The following REXO5 variants were observed in gnomAD, a reference collection of about 807,000 sequenced individuals.
REXO5 encodes the protein exonuclease NEF-sp.
In REXO5, 48 loss-of-function variants were observed where a neutral mutation model predicts 88.5. The observed-to-expected ratio is 0.54, with a 90% confidence interval of 0.43 to 0.69. REXO5 has a LOEUF of 0.69. Ranked by LOEUF, REXO5 falls within the 30% of genes least tolerant of loss-of-function variation. REXO5 has a pLI of 0.00. For missense variants in REXO5, 749 were observed against 912.2 expected (o/e 0.82, Z 2.30); for synonymous variants, 311 against 336.5 (o/e 0.92, Z 0.83).
Position 20,843,983 on chromosome 16 carries a change from T to C in REXO5, c.1676T>C (p.Ile559Thr), listed in dbSNP as rs1450750642. The C allele has an allele frequency of 1.2e-6, 2 of 1,608,300 alleles. No individual in the cohort carries two copies. The highest frequency in any genetic ancestry group is 2.2e-5 in the South Asian group (2 of 90,970). The change falls in exon 16 of 20, where the codon ATA becomes ACA. Residue 559 changes from isoleucine to threonine, a missense_variant. Transcript: ENST00000261377. The part of the protein sequence containing the change: ...YEVLEAAQLA[I>T]ESLDGILVDG... Reference sequence around the variant, plus strand: ...GTCCTAGAAGCTGCCCAGCTGGCCATAGAATCCTTGGATGGTATTCTGGTA... The same window carrying C: ...GTCCTAGAAGCTGCCCAGCTGGCCACAGAATCCTTGGATGGTATTCTGGTA...
chr16:20,820,545 T>TGTATATATATATATATA (rs1491420198), intron 5 of REXO5, among the ~76,000 whole-genome samples: 1 of 12,378 alleles, frequency 8.1e-5, no homozygotes, highest in Non-Finnish European at 1.4e-4. Flanking sequence ...TATATATATA[T>TGTATATATATATATATA]TTTTTTTTTT....
intron 5 of REXO5, 117 bp from the exon 6 acceptor site, chr16:20,821,645 C>A: frequency 1.0e-6 from 1 of 953,472 alleles, no homozygotes. Context: ...ATGGTTGGGG[C>A]TGAGTTTTAT....
At chr16:20,811,435 C>T (rs909000988) in intron 2 of REXO5, among the ~76,000 whole-genome samples, 8 of 152,094 alleles carry the variant, frequency 5.3e-5, no homozygotes, top group Admixed American at 1.3e-4. Flanking sequence ...GAATGTTTTT[C>T]AGATATATTA....
intron 6 of REXO5, 34 bp downstream of exon 6, chr16:20,821,936 T>C: frequency 1.3e-6 from 2 of 1,509,628 alleles, no homozygotes; most frequent in Non-Finnish European, 8.8e-7. Flanking sequence ...TTGCTAACAA[T>C]GTAAGAATAT....
chr16:20,835,291 TC>T (rs2081408990), intron 13 of REXO5, among the ~76,000 whole-genome samples: 1 of 152,140 alleles, frequency 6.6e-6, no homozygotes, highest in Non-Finnish European at 1.5e-5. Context: ...CCTGGCCAGA[TC>T]CTTTTGAATT....
At chr16:20,840,947 A>T (rs1215925269) in intron 15 of REXO5, among the ~76,000 whole-genome samples, 1 of 152,270 alleles carries the variant, frequency 6.6e-6, no homozygotes, top group Non-Finnish European at 1.5e-5. Context: ...CTCAGCTTTA[A>T]ATGATAAAAT....
intron 15 of REXO5, among the ~76,000 whole-genome samples, chr16:20,843,548 C>T (rs1055884127): frequency 2.0e-5 from 3 of 152,182 alleles, no homozygotes; most frequent in Admixed American, 6.5e-5. Flanking sequence ...AGTTAACAAA[C>T]AGAAAAGCAG....
At chr16:20,807,773 A>C (rs548473769) in intron 2 of REXO5, among the ~76,000 whole-genome samples, 5 of 151,800 alleles carry the variant, frequency 3.3e-5, no homozygotes, top group East Asian at 3.9e-4. Context: ...CAAAAAAAAA[A>C]CTGCCTGTAC....
intron 10 of REXO5, among the ~76,000 whole-genome samples, chr16:20,827,826 A>G (rs2081281956): frequency 6.6e-6 from 1 of 152,180 alleles, no homozygotes; most frequent in Non-Finnish European, 1.5e-5. Flanking sequence ...AATATTCTAG[A>G]AGTCTGGTTG....
chr16:20,835,485 C>T (rs1032966278), intron 13 of REXO5, among the ~76,000 whole-genome samples: 3 of 152,120 alleles, frequency 2.0e-5, no homozygotes, highest in African/African-American at 7.2e-5. Context: ...TTTGGGCATC[C>T]TTTCCTTGAC....
intron 12 of REXO5, 80 bp downstream of exon 12, chr16:20,832,339 T>TA (rs1455670883): frequency 2.2e-6 from 2 of 904,338 alleles, no homozygotes; most frequent in Non-Finnish European, 3.4e-6. Flanking sequence ...AGAATGTTTT[T>TA]ATCCTCTTTT....
chr16:20,839,539 C>T (rs962285151), intron 13 of REXO5, among the ~76,000 whole-genome samples: 1 of 152,132 alleles, frequency 6.6e-6, no homozygotes, highest in African/African-American at 2.4e-5. Context: ...AGGTATGGCT[C>T]ATATGTATTT....
upstream of REXO5, chr16:20,806,466 G>T (rs960950640): frequency 1.9e-6 from 3 of 1,550,768 alleles, no homozygotes; most frequent in Non-Finnish European, 1.7e-6. Flanking sequence ...TCCAGCTGCC[G>T]GAAGTCGCTC....
Position 20,815,008 on chromosome 16 carries a change from C to G in REXO5, c.333C>G (p.Tyr111Ter), listed in dbSNP as rs766840145. The G allele has an allele frequency of 1.2e-6, 2 of 1,613,792 alleles. No individual in the cohort carries two copies. The highest frequency in any genetic ancestry group is 1.7e-5 in the Admixed American group (1 of 60,000). ...VLQGMSQLHF[Y>*]RFYLEFGCLR... ...AGGGAATGAGTCAGCTACACTTTTA[C>G]AGGTTCTATTTGGAGTTTGGATGTC... is the stretch of plus-strand genomic sequence containing the variant. The change falls in exon 4 of 20, where the codon TAC (tyrosine) becomes TAG (stop). Residue 111 changes from tyrosine (Y) to a stop codon, truncating the protein, a stop_gained. Coordinates refer to ENST00000261377, the MANE Select transcript of REXO5 (RefSeq NM_030941.3). LOFTEE classifies it high-confidence loss of function.
In REXO5 at chr16:20,837,940, A is replaced by AT. The variant is rs2081460715; in HGVS notation, c.1384-1809dup. On this transcript the variant is annotated intron_variant, in intron 13 of 19. Transcript: ENST00000261377. ...GCCACCATGCCTGGCTAATTTTTAA[A>AT]TTTTTTATACAGATGAGGTCTCATT... Among the ~76,000 whole-genome samples, 3 of 151,776 alleles carry AT rather than the reference A, an allele frequency of 2.0e-5. No homozygotes were observed. In the South Asian group the frequency reaches 6.3e-4, roughly 32 times the overall value.
chr16:20,834,821 G>C (rs1157169850), intron 13 of REXO5, among the ~76,000 whole-genome samples: 1 of 152,070 alleles, frequency 6.6e-6, no homozygotes, highest in East Asian at 1.9e-4. Context: ...TATCTTCCAT[G>C]TGTCTAGTTA....
In REXO5 at chr16:20,814,928, T is replaced by C. The variant is rs777558943; in HGVS notation, c.253T>C (p.Trp85Arg). 6.2e-7 allele frequency: 1 copy of C among 1,612,022 alleles called. No homozygotes were observed. Among genetic ancestry groups the C allele is most frequent in the South Asian group, 1.1e-5 (1 of 90,548 alleles). ...LGKSNVPKPS[W>R]CQLFHQNHLN... ...TGTGTTGGTTTGATTTCTTGGCAGCTGGTGCCAGCTTTTTCATCAAAACCA... is the reference window on the plus strand; with the variant it reads ...TGTGTTGGTTTGATTTCTTGGCAGCCGGTGCCAGCTTTTTCATCAAAACCA... Residue 85 changes from tryptophan to arginine, a missense_variant and splice_region_variant, in exon 4 of 20, where the codon TGG becomes CGG. Coordinates refer to ENST00000261377, the MANE Select transcript of REXO5 (RefSeq NM_030941.3).
intron 5 of REXO5, among the ~76,000 whole-genome samples, chr16:20,817,374 A>G (rs1278960023): frequency 1.3e-5 from 2 of 152,192 alleles, no homozygotes; most frequent in African/African-American, 4.8e-5. Context: ...GTTCAAGTAA[A>G]AGCATCACGT....
At chr16:20,812,531 G>GA (rs994094228) in intron 2 of REXO5, among the ~76,000 whole-genome samples, 1 of 151,840 alleles carries the variant, frequency 6.6e-6, no homozygotes, top group Non-Finnish European at 1.5e-5. Flanking sequence ...TCTCAGAAAA[G>GA]AAAAAAACAA....
Sources: allele counts gnomAD v4.1 joint callset (sites outside exome capture counted in the v4.1 genomes callset), GRCh38; gene constraint gnomAD v4.1.1; transcripts MANE v1.5; gene names NCBI Gene and HGNC (gene_info 2026-07-23, HGNC 2026-07-21).